Variants in OSTF1 observed in about 807,000 individuals in gnomAD.
OSTF1 encodes osteoclast stimulating factor 1.
A neutral mutation model predicts 37.2 loss-of-function variants in OSTF1; 27 were observed. The ratio of observed to expected loss-of-function variants is 0.73; its 90% CI spans 0.54 to 1.00. The LOEUF (loss-of-function observed/expected upper bound fraction) is 1.00. Ranked by LOEUF, OSTF1 falls within the 50% of genes least tolerant of loss-of-function variation. OSTF1 has a pLI of 0.00. For missense variants in OSTF1, 232 were observed against 253.8 expected, an observed-to-expected ratio of 0.91 and a Z score of 0.58; for synonymous variants, 82 against 89.2, an observed-to-expected ratio of 0.92 and a Z score of 0.46.
chr9:75,127,649 C>T (rs368329520), intron 3 of OSTF1, 30 bp downstream of exon 3: 30 of 1,169,836 alleles, frequency 2.6e-5, no homozygotes, highest in Middle Eastern at 1.9e-4. Flanking sequence ...TGTAATACCA[C>T]ATATAAAGAC....
At chr9:75,121,151 G>A (rs78193265) in intron 2 of OSTF1, among the ~76,000 whole-genome samples, 19,114 of 151,726 alleles carry the variant, frequency 0.13, 1,627 homozygotes, top group African/African-American at 0.23. Context: ...TGTAAAGTGA[G>A]GATAATAATA....
chr9:75,088,645 G>C lies in OSTF1; in HGVS notation c.-48G>C. 1.3e-6 allele frequency: 2 copies of C among 1,591,162 alleles called. No homozygotes were observed. Among genetic ancestry groups the C allele is most frequent in the Non-Finnish European group, 1.7e-6 (2 of 1,167,674 alleles). ...CGGAGTGCCAGGTGGCGGGCAAGCG[G>C]TGGGCTTTTCGGCGGGGTCTTTAGG... On this transcript the variant is annotated 5_prime_UTR_variant, in exon 1 of 10. Transcript: ENST00000346234.
chr9:75,113,458 T>C (rs1825427527), intron 1 of OSTF1, among the ~76,000 whole-genome samples: 1 of 150,828 alleles, frequency 6.6e-6, no homozygotes, highest in African/African-American at 2.4e-5. Context: ...TTCTGTCTCT[T>C]TTTTTTTTGA....
At chr9:75,092,233 T>A (rs1824988106) in intron 1 of OSTF1, among the ~76,000 whole-genome samples, 1 of 152,250 alleles carries the variant, frequency 6.6e-6, no homozygotes. Flanking sequence ...GGAAGGAGGC[T>A]GCCCAGGGAA....
chr9:75,123,382 C>T (rs999530060), intron 2 of OSTF1, among the ~76,000 whole-genome samples: 1 of 152,170 alleles, frequency 6.6e-6, no homozygotes, highest in Admixed American at 6.5e-5. Context: ...CGAGATCGTG[C>T]CACTGCACTC....
At chr9:75,106,136 G>A (rs552467242) in intron 1 of OSTF1, among the ~76,000 whole-genome samples, 1 of 152,272 alleles carries the variant, frequency 6.6e-6, no homozygotes, top group East Asian at 1.9e-4. Flanking sequence ...GTTAGAGAGA[G>A]GAGGGATGGA....
intron 1 of OSTF1, among the ~76,000 whole-genome samples, chr9:75,106,374 G>C (rs1269283805): frequency 6.6e-6 from 1 of 152,142 alleles, no homozygotes; most frequent in South Asian, 2.1e-4. Context: ...GCTGGGCTCA[G>C]TGGCTCATGC....
At chr9:75,122,154 A>G (rs1825590703) in intron 2 of OSTF1, among the ~76,000 whole-genome samples, 1 of 152,184 alleles carries the variant, frequency 6.6e-6, no homozygotes, top group African/African-American at 2.4e-5. Flanking sequence ...AGACAGACTG[A>G]TGAGGAGGGA....
At chr9:75,104,948 G>T (rs1016949337) in intron 1 of OSTF1, among the ~76,000 whole-genome samples, 2 of 152,150 alleles carry the variant, frequency 1.3e-5, no homozygotes, top group Non-Finnish European at 2.9e-5. Context: ...ATAAAATAGG[G>T]TTAATAGAAC....
At chr9:75,095,576 C>T (rs575310503) in intron 1 of OSTF1, among the ~76,000 whole-genome samples, 7 of 152,314 alleles carry the variant, frequency 4.6e-5, no homozygotes, top group African/African-American at 1.7e-4. Context: ...CTCCTGTCCA[C>T]ATTTGTCTAA....
chr9:75,144,223 A>C (rs980020881), intron 9 of OSTF1, among the ~76,000 whole-genome samples: 2 of 152,178 alleles, frequency 1.3e-5, no homozygotes, highest in African/African-American at 4.8e-5. Flanking sequence ...GAATAGAGTC[A>C]ACCTGGAGAC....
intron 1 of OSTF1, among the ~76,000 whole-genome samples, chr9:75,096,012 C>T (rs1015392173): frequency 6.6e-6 from 1 of 152,134 alleles, no homozygotes; most frequent in Non-Finnish European, 1.5e-5. Context: ...CTGCCTCAGC[C>T]TCCTGAGTGG....
At chr9:75,102,905 A>T (rs1001398217) in intron 1 of OSTF1, among the ~76,000 whole-genome samples, 1 of 152,218 alleles carries the variant, frequency 6.6e-6, no homozygotes, top group African/African-American at 2.4e-5. Flanking sequence ...TTGTGGGTGT[A>T]CTAGGCATGG....
chr9:75,090,294 GGTGTGTGTGTGTGTGT>G lies in OSTF1; in HGVS notation c.34+1589_34+1604del, dbSNP rs3837221. On this transcript the variant is annotated intron_variant, in intron 1 of 9. Transcript: ENST00000346234. ...TATTGCAAATGGAGGGACATTGACA[GGTGTGTGTGTGTGTGT>G]GTGTGTGTGTGTGTGTGTGTACACA... Among the ~76,000 whole-genome samples the G allele has an allele frequency of 3.7e-3, 548 of 149,458 alleles. 2 individuals carry two copies. The highest frequency in any genetic ancestry group is 0.012 in the African/African-American group (473 of 40,454).
intron 1 of OSTF1, among the ~76,000 whole-genome samples, chr9:75,109,910 T>A (rs1430135147): frequency 6.6e-6 from 1 of 152,024 alleles, no homozygotes; most frequent in Non-Finnish European, 1.5e-5. Context: ...AATAGACTAT[T>A]TTTTTTAGAG....
At chr9:75,093,056 C>CTTTT (rs1244892484) in intron 1 of OSTF1, among the ~76,000 whole-genome samples, 1 of 135,538 alleles carries the variant, frequency 7.4e-6, no homozygotes, top group African/African-American at 3.4e-5. Flanking sequence ...CTCTCTCTTT[C>CTTTT]TTTCTTTCTT....
intron 1 of OSTF1, among the ~76,000 whole-genome samples, chr9:75,099,914 C>G (rs921200618): frequency 6.6e-6 from 1 of 152,038 alleles, no homozygotes; most frequent in African/African-American, 2.4e-5. Flanking sequence ...ATTATACTTA[C>G]GGGAATAAAT....
intron 1 of OSTF1, among the ~76,000 whole-genome samples, chr9:75,110,686 A>G (rs1825370861): frequency 1.3e-5 from 2 of 151,664 alleles, no homozygotes; most frequent in East Asian, 1.9e-4. Flanking sequence ...ATATCTGTGT[A>G]TCTGTCTCTT....
intron 2 of OSTF1, among the ~76,000 whole-genome samples, chr9:75,124,876 C>T (rs959729835): frequency 2.0e-5 from 3 of 152,108 alleles, no homozygotes; most frequent in Admixed American, 1.3e-4. Flanking sequence ...GAGGGTCAAA[C>T]TGTAGAGAAA....
Sources: allele counts gnomAD v4.1 joint callset (sites outside exome capture counted in the v4.1 genomes callset), GRCh38; gene constraint gnomAD v4.1.1; transcripts MANE v1.5; gene names NCBI Gene and HGNC (gene_info 2026-07-23, HGNC 2026-07-21).